PHACTR1: variants seen among roughly 807,000 people sequenced by gnomAD.
PHACTR1 encodes phosphatase and actin regulator 1.
A neutral mutation model predicts 69.2 loss-of-function variants in PHACTR1; 16 were observed. The observed-to-expected ratio is 0.23, with a 90% confidence interval of 0.16 to 0.35. The LOEUF is 0.35. PHACTR1 is among the 10% of genes least tolerant of loss of function. The pLI is 1.00. For missense variants in PHACTR1, 510 were observed against 734.7 expected (o/e 0.69, Z 3.54); for synonymous variants, 312 against 284.5 (o/e 1.10, Z -0.97).
chr6:12,838,074 T>C lies in PHACTR1; in HGVS notation c.250+88284T>C, dbSNP rs1017044070. 2.9e-4 allele frequency among the ~76,000 whole-genome samples: 44 copies of C among 152,300 alleles called. 1 individual carries two copies. The highest frequency in any genetic ancestry group is 3.4e-3 in the Middle Eastern group (1 of 294). On this transcript the variant is annotated intron_variant, in intron 4 of 14. Transcript: ENST00000332995. ...TTCTCACCTGCTGTCAGCTGGAGGA[T>C]CCTCAGTGGCAAGAGGCCACCCCAA...
intron 4 of PHACTR1, among the ~76,000 whole-genome samples, chr6:12,830,132 A>AGAAAGAAAGAAAGAAAGAAAGAAAG (rs1561923948): frequency 6.8e-6 from 1 of 147,226 alleles, no homozygotes; most frequent in African/African-American, 2.5e-5. Context: ...AAAGAAAGAA[A>AGAAAGAAAGAAAGAAAGAAAGAAAG]GAAAGAAAGA....
chr6:13,244,391 A>G (rs1337113687), intron 10 of PHACTR1, among the ~76,000 whole-genome samples: 1 of 152,230 alleles, frequency 6.6e-6, no homozygotes, highest in Non-Finnish European at 1.5e-5. Context: ...TTATCAGGAG[A>G]CAGGGTTTTG....
chr6:12,812,746 C>A (rs142912874), intron 4 of PHACTR1, among the ~76,000 whole-genome samples: 1 of 152,190 alleles, frequency 6.6e-6, no homozygotes, highest in Non-Finnish European at 1.5e-5. Context: ...GACCCTTGCT[C>A]GTGGTTTCCT....
intron 10 of PHACTR1, among the ~76,000 whole-genome samples, chr6:13,244,493 C>G (rs962570441): frequency 2.6e-5 from 4 of 152,208 alleles, no homozygotes; most frequent in African/African-American, 9.6e-5. Flanking sequence ...TATTTCACCC[C>G]TGCAGTCTCA....
chr6:12,822,146 G>A (rs185373683), intron 4 of PHACTR1, among the ~76,000 whole-genome samples: 1 of 152,314 alleles, frequency 6.6e-6, no homozygotes, highest in Admixed American at 6.5e-5. Flanking sequence ...ACAAGAACCT[G>A]GCTGTGGCAG....
At chr6:13,051,123 A>C (rs1490421934) in intron 4 of PHACTR1, among the ~76,000 whole-genome samples, 2 of 151,892 alleles carry the variant, frequency 1.3e-5, no homozygotes, top group Non-Finnish European at 2.9e-5. Context: ...CGACCCCCCC[A>C]TTCTACCCAA....
chr6:13,073,325 C>T (rs1213464303), intron 5 of PHACTR1, among the ~76,000 whole-genome samples: 1 of 134,400 alleles, frequency 7.4e-6, no homozygotes, highest in African/African-American at 2.8e-5. Flanking sequence ...ACCAATCATT[C>T]CATGAATTTT....
rs1369296278 is a variant in PHACTR1, at chr6:12,996,583, G to A, written c.251-56782G>A. Among the ~76,000 whole-genome samples the A allele has an allele frequency of 2.0e-5, 3 of 152,146 alleles. No individual in the cohort carries two copies. In the South Asian group the frequency reaches 6.2e-4, roughly 31 times the overall value. ...TAGTAAAAATCAATTAGGCTGATGAGTTTTAATAAACATTTAAGAAGGGTT... is the reference window on the plus strand; with the variant it reads ...TAGTAAAAATCAATTAGGCTGATGAATTTTAATAAACATTTAAGAAGGGTT... On this transcript the variant is annotated intron_variant, in intron 4 of 14. Transcript: ENST00000332995.
chr6:13,215,601 C>T (rs1248232413), intron 8 of PHACTR1, among the ~76,000 whole-genome samples: 1 of 152,082 alleles, frequency 6.6e-6, no homozygotes, highest in African/African-American at 2.4e-5. Flanking sequence ...TAAGGAAGAA[C>T]CCAAGAGCCA....
Position 13,287,147 on chromosome 6 carries a change from AT to A in PHACTR1, c.*72del. 1 of 1,404,172 alleles carries A rather than the reference AT, an allele frequency of 7.1e-7. No individual in the cohort carries two copies. Among genetic ancestry groups the A allele is most frequent in the Non-Finnish European group, 9.9e-7 (1 of 1,013,226 alleles). 87.0% of individuals were successfully genotyped at this position (1,404,172 alleles called of 1,614,324 possible). ...ATTTATAAGAACCATAAGTGCTGGT[AT>A]TTATTCACTTCCCCATTACGATGTA... On this transcript the variant is annotated 3_prime_UTR_variant, in exon 15 of 15. Coordinates refer to ENST00000332995, the MANE Select transcript of PHACTR1 (RefSeq NM_030948.6).
intron 4 of PHACTR1, among the ~76,000 whole-genome samples, chr6:12,771,099 A>G (rs977791598): frequency 6.6e-6 from 1 of 152,226 alleles, no homozygotes; most frequent in African/African-American, 2.4e-5. Context: ...TGATAACAAC[A>G]TGAGAAAGAT....
At chr6:12,791,502 C>A (rs1472698837) in intron 4 of PHACTR1, among the ~76,000 whole-genome samples, 1 of 152,168 alleles carries the variant, frequency 6.6e-6, no homozygotes, top group African/African-American at 2.4e-5. Context: ...GAAGCCAGTC[C>A]TTCAGCAAAA....
chr6:13,052,065 A>G (rs1450802478), intron 4 of PHACTR1, among the ~76,000 whole-genome samples: 2 of 152,114 alleles, frequency 1.3e-5, no homozygotes, highest in African/African-American at 4.8e-5. Flanking sequence ...TGAATCTTGG[A>G]ATTGCCAATG....
In PHACTR1 at chr6:13,283,316, T is replaced by A; in HGVS notation, c.1510-106T>A. The A allele has an allele frequency of 2.5e-6, 2 of 794,890 alleles. No individual in the cohort carries two copies. The highest frequency in any genetic ancestry group is 2.1e-5 in the Admixed American group (1 of 47,216). The allele number at this position is 794,890 out of a possible 1,614,324, so 49.2% of individuals were successfully genotyped here. A position where few individuals can be genotyped will look rare whatever the true frequency, so the allele number is the denominator to read the frequency against. On this transcript the variant is annotated intron_variant, in intron 12 of 14. Coordinates refer to ENST00000332995, the MANE Select transcript of PHACTR1 (RefSeq NM_030948.6). The surrounding 1 kb of genome is among the most constrained non-coding windows in gnomAD (Gnocchi z 4.7). ...CCTCACTCACTATGCGATGCATCCA[T>A]CGCCTCACTGAACCTTATTTTCCAC... is the stretch of plus-strand genomic sequence containing the variant.
chr6:12,846,574 C>T (rs1261446110), intron 4 of PHACTR1, among the ~76,000 whole-genome samples: 1 of 152,130 alleles, frequency 6.6e-6, no homozygotes, highest in African/African-American at 2.4e-5. Flanking sequence ...AGATTTCTTA[C>T]GTGTAAGGTG....
chr6:12,902,188 G>A (rs924911859), intron 4 of PHACTR1, among the ~76,000 whole-genome samples: 5 of 152,268 alleles, frequency 3.3e-5, no homozygotes, highest in East Asian at 1.9e-4. Context: ...TTTGGGGGAC[G>A]GAGGGAGGTG....
chr6:13,247,626 G>T (rs554682681), intron 10 of PHACTR1, among the ~76,000 whole-genome samples: 2 of 152,086 alleles, frequency 1.3e-5, no homozygotes, highest in South Asian at 2.1e-4. Flanking sequence ...GATTACAGGT[G>T]TGAGCCACCG....
intron 3 of PHACTR1, among the ~76,000 whole-genome samples, chr6:12,745,844 C>A (rs562465039): frequency 8.0e-4 from 122 of 152,262 alleles, no homozygotes; most frequent in African/African-American, 2.9e-3. Context: ...GTGAATGGGA[C>A]CCATGCTGGT....
chr6:13,095,749 C>CTTTTTTTT (rs140109520), intron 5 of PHACTR1, among the ~76,000 whole-genome samples: 13 of 77,210 alleles, frequency 1.7e-4, no homozygotes, highest in Non-Finnish European at 2.5e-4. Context: ...TTGTGAAGGG[C>CTTTTTTTT]TTTTTTTTTT....
Sources: allele counts gnomAD v4.1 joint callset (sites outside exome capture counted in the v4.1 genomes callset), GRCh38; gene constraint gnomAD v4.1.1; non-coding constraint Gnocchi (gnomAD v3.1); transcripts MANE v1.5; gene names NCBI Gene and HGNC (gene_info 2026-07-23, HGNC 2026-07-21).